LHFPL4: variants seen among roughly 807,000 people sequenced by gnomAD.
The protein encoded by LHFPL4 is LHFPL tetraspan subfamily member 4.
Under a neutral mutation model 20.0 loss-of-function variants are expected in LHFPL4, and 6 were observed. That is an observed-to-expected ratio of 0.30 (90% confidence interval 0.16 to 0.59). The LOEUF is 0.59. Among genes scored for constraint, LHFPL4 ranks in the 20% least tolerant of loss-of-function variants. The probability of loss-of-function intolerance (pLI) is 0.88; values close to 1 mark genes in which losing one functional copy is unlikely to be tolerated. For synonymous variants in LHFPL4, 129 were observed against 143.8 expected, an observed-to-expected ratio of 0.90 and a Z score of 0.74; for missense variants, 215 against 331.2, an observed-to-expected ratio of 0.65 and a Z score of 2.72.
At chr3:9,521,790 G>T (rs2046339530) in intron 2 of LHFPL4, among the ~76,000 whole-genome samples, 1 of 151,832 alleles carries the variant, frequency 6.6e-6, no homozygotes, top group South Asian at 2.1e-4. Flanking sequence ...ATTTAAGTGG[G>T]TTTCTTAAAA....
At chr3:9,535,430 C>A (rs1368690332) in intron 2 of LHFPL4, among the ~76,000 whole-genome samples, 1 of 152,110 alleles carries the variant, frequency 6.6e-6, no homozygotes, top group Admixed American at 6.6e-5. Context: ...ACCCAGACAG[C>A]CTGCTTCTAA....
chr3:9,531,801 GAAAGAAAAGAAAAGA>G (rs58150564), intron 2 of LHFPL4, among the ~76,000 whole-genome samples: 6 of 148,244 alleles, frequency 4.0e-5, no homozygotes, highest in East Asian at 4.0e-4. Context: ...CTCCATCTCA[GAAAGAAAAGAAAAGA>G]AAAGAAAAGA....
chr3:9,539,454 C>CAA (rs57211005), intron 2 of LHFPL4, among the ~76,000 whole-genome samples: 36,734 of 108,914 alleles, frequency 0.34, 5,980 homozygotes, highest in Non-Finnish European at 0.39. Flanking sequence ...AACTTCGTCT[C>CAA]AAAAAAAAAA....
rs1434948188 is a variant in LHFPL4, at chr3:9,552,739, G to C, written c.-60C>G. On this transcript the variant is annotated 5_prime_UTR_variant, in exon 2 of 4. Coordinates refer to ENST00000287585, the MANE Select transcript of LHFPL4 (RefSeq NM_198560.3). ...TGGCGGGGGCCGCCGGCCCGGGACG[G>C]AGCGCCGGGCTGCCGGGCGGGAGCT... 9.4e-7 allele frequency: 1 copy of C among 1,059,300 alleles called. No homozygotes were observed. The highest frequency in any genetic ancestry group is 1.2e-6 in the Non-Finnish European group (1 of 855,030). 65.6% of individuals were successfully genotyped at this position (1,059,300 alleles called of 1,614,324 possible).
intron 2 of LHFPL4, among the ~76,000 whole-genome samples, chr3:9,518,548 C>G (rs576364964): frequency 8.4e-4 from 128 of 152,140 alleles, no homozygotes; most frequent in African/African-American, 3.1e-3. Context: ...GGTGCTTTCT[C>G]TTTTGGAAGG....
In LHFPL4 at chr3:9,523,227, C is replaced by T. The variant is rs1239941172; in HGVS notation, c.407-17024G>A. ...AGGTCAAGAGTCTCTACTAAAAATA[C>T]AAAAATTAGCCGGGCGTGGTGGGCA... On this transcript the variant is annotated intron_variant, in intron 2 of 3. Transcript: ENST00000287585. Among the ~76,000 whole-genome samples the T allele has an allele frequency of 2.8e-5, 4 of 142,944 alleles. No homozygotes were observed. In the East Asian group the frequency reaches 8.8e-4, roughly 31 times the overall value. The allele number at this position is 142,944 out of a possible 152,430, so 93.8% of individuals were successfully genotyped here. A position where few individuals can be genotyped will look rare whatever the true frequency, so the allele number is the denominator to read the frequency against.
Position 9,525,516 on chromosome 3 carries a change from T to A in LHFPL4, c.407-19313A>T, listed in dbSNP as rs185077958. The stretch of plus-strand genomic sequence containing the variant: ...TCTAGCAAGAGTGTTTATTTTTCAG[T>A]TTGTTTGGCTTTTTACTTGCTGTTA... On this transcript the variant is annotated intron_variant, in intron 2 of 3. Transcript: ENST00000287585. Among the ~76,000 whole-genome samples the A allele has an allele frequency of 8.9e-4, 135 of 152,342 alleles. 1 individual carries two copies. The South Asian group carries it at 9.3e-3, about 11-fold the overall frequency.
chr3:9,521,064 C>T (rs1477257640), intron 2 of LHFPL4, among the ~76,000 whole-genome samples: 2 of 152,048 alleles, frequency 1.3e-5, no homozygotes, highest in East Asian at 1.9e-4. Context: ...TATCAGTTTG[C>T]CTCATGTATT....
intron 2 of LHFPL4, among the ~76,000 whole-genome samples, chr3:9,507,210 C>T (rs2046224879): frequency 6.6e-6 from 1 of 152,194 alleles, no homozygotes; most frequent in Non-Finnish European, 1.5e-5. Flanking sequence ...TTATCCAGGG[C>T]CTACCATATG....
chr3:9,553,418 A>C (rs1373177020), intron 1 of LHFPL4, among the ~76,000 whole-genome samples: 1 of 151,524 alleles, frequency 6.6e-6, no homozygotes, highest in African/African-American at 2.4e-5. Flanking sequence ...GGCTGTCCTC[A>C]GAAGCCAGGG....
At chr3:9,543,004 T>C (rs1383787903) in intron 2 of LHFPL4, among the ~76,000 whole-genome samples, 2 of 151,986 alleles carry the variant, frequency 1.3e-5, no homozygotes, top group African/African-American at 2.4e-5. Context: ...CTAAAACTGG[T>C]TGTGGTCATG....
chr3:9,529,720 T>C (rs1159041198), intron 2 of LHFPL4, among the ~76,000 whole-genome samples: 2 of 152,084 alleles, frequency 1.3e-5, no homozygotes, highest in East Asian at 1.9e-4. Context: ...CTGCAACTTC[T>C]ACCTCCCGGG....
At chr3:9,511,340 G>T (rs2046259835) in intron 2 of LHFPL4, among the ~76,000 whole-genome samples, 1 of 148,418 alleles carries the variant, frequency 6.7e-6, no homozygotes, top group African/African-American at 2.5e-5. Flanking sequence ...GACAGAGCTA[G>T]ACTCCATCTC....
At chr3:9,502,369 T>C in intron 3 of LHFPL4, 58 bp from the exon 4 acceptor site, 2 of 1,311,324 alleles carry the variant, frequency 1.5e-6, no homozygotes, top group South Asian at 1.2e-5. Flanking sequence ...AGAGGCTGCC[T>C]GGGCATTCAG....
intron 2 of LHFPL4, among the ~76,000 whole-genome samples, chr3:9,525,102 C>G (rs2648413): frequency 0.041 from 6,196 of 152,278 alleles, 178 homozygotes; most frequent in Non-Finnish European, 0.061. Context: ...AGGTTAGGCT[C>G]TAGTCACCTA....
chr3:9,517,044 G>A (rs1352429617), intron 2 of LHFPL4, among the ~76,000 whole-genome samples: 4 of 152,050 alleles, frequency 2.6e-5, no homozygotes. Flanking sequence ...CCCTCCCAAA[G>A]TGCTGGGATT....
intron 2 of LHFPL4, among the ~76,000 whole-genome samples, chr3:9,516,207 C>T (rs2046300066): frequency 6.6e-6 from 1 of 152,074 alleles, no homozygotes; most frequent in Non-Finnish European, 1.5e-5. Flanking sequence ...ATATTATTTT[C>T]TATGAGTTTC....
intron 2 of LHFPL4, among the ~76,000 whole-genome samples, chr3:9,516,712 G>A (rs150834895): frequency 0.021 from 3,171 of 151,538 alleles, 117 homozygotes; most frequent in African/African-American, 0.073. Context: ...GACCTCAGGT[G>A]ATCCACCCAC....
At chr3:9,524,394 T>A (rs1315889161) in intron 2 of LHFPL4, among the ~76,000 whole-genome samples, 1 of 152,182 alleles carries the variant, frequency 6.6e-6, no homozygotes, top group Non-Finnish European at 1.5e-5. Flanking sequence ...ACAACTTTTG[T>A]AGCCATCATA....
Sources: gnomAD v4.1 joint callset for allele counts (sites outside exome capture counted in the v4.1 genomes callset) on GRCh38, gnomAD v4.1.1 for gene constraint, MANE v1.5 for transcripts, NCBI Gene and HGNC (gene_info 2026-07-23, HGNC 2026-07-21) for gene names.